PWWP2A: variants seen among roughly 807,000 people sequenced by gnomAD.
PWWP2A encodes the protein PWWP domain-containing protein 2A.
A neutral mutation model predicts 48.5 loss-of-function variants in PWWP2A; 18 were observed. The observed-to-expected ratio is 0.37, with a 90% CI of 0.26 to 0.55. PWWP2A has a LOEUF of 0.55. Ranked by LOEUF, PWWP2A falls within the 20% of genes least tolerant of loss-of-function variation. The probability of loss-of-function intolerance (pLI) is 0.81; values close to 1 mark genes in which losing one functional copy is unlikely to be tolerated. For missense variants in PWWP2A, 867 were observed against 976.4 expected (o/e 0.89, Z 1.49); for synonymous variants, 396 against 387.7 (o/e 1.02, Z -0.25).
chr5:160,119,016 G>A lies in PWWP2A; in HGVS notation c.373C>T (p.Pro125Ser), dbSNP rs890378987. The A allele has an allele frequency of 6.3e-7, 1 of 1,599,346 alleles. No individual in the cohort carries two copies. Among genetic ancestry groups the A allele is most frequent in the Non-Finnish European group, 8.5e-7 (1 of 1,175,984 alleles). ...GGCTCCTCGCGCTCCTCGGGAGCCG[G>A]GGGCTGCTCCGGCGGCGATGCAGGA... is the stretch of plus-strand genomic sequence containing the variant. Reference protein sequence around the residue: ...PSPASPPEQPPAPEEREEPPL... With the variant: ...PSPASPPEQPSAPEEREEPPL... Residue 125 changes from proline to serine, a missense_variant, in exon 1 of 2, where the codon CCG (proline) becomes TCG (serine). Coordinates refer to ENST00000307063, the MANE Select transcript of PWWP2A (RefSeq NM_001130864.2).
rs1189961362 is a variant in PWWP2A at position 160,077,451 on chromosome 5, AC to A, written c.*703del. ...TAAGAATGTAATTATGAAAATGTGC[AC>A]AAAATGTTAAATACTAGTGGCAAAT... On this transcript the variant is annotated 3_prime_UTR_variant, in exon 4 of 4. Transcript: ENST00000456329. The surrounding 1 kb of genome is among the most constrained non-coding windows in gnomAD (Gnocchi z 4.2). 2 of 152,260 alleles carry A rather than the reference AC, an allele frequency of 1.3e-5. No homozygotes were observed. Among genetic ancestry groups the A allele is most frequent in the Non-Finnish European group, 2.9e-5 (2 of 68,046 alleles). 9.4% of individuals were successfully genotyped at this position (152,260 alleles called of 1,614,324 possible). A position where few individuals can be genotyped will look rare whatever the true frequency, so the allele number is the denominator to read the frequency against.
At chr5:160,118,497 G>A (rs756311714) in intron 1 of PWWP2A, among the ~76,000 whole-genome samples, 2 of 150,622 alleles carry the variant, frequency 1.3e-5, no homozygotes, top group Admixed American at 1.3e-4. Flanking sequence ...CCCGCCCAGT[G>A]ACGGTGACTC....
At position 160,119,371 on chromosome 5, in the gene PWWP2A, T is replaced by C. The variant is rs1251731497; in HGVS notation, c.18A>G (p.Ala6=). 4 of 1,348,200 alleles carry C rather than the reference T, an allele frequency of 3.0e-6. No homozygotes were observed. Among genetic ancestry groups the C allele is most frequent in the Non-Finnish European group, 3.8e-6 (4 of 1,053,400 alleles). The allele number at this position is 1,348,200 out of a possible 1,614,324, so 83.5% of individuals were successfully genotyped here. The change falls in exon 1 of 2, where the codon GCA becomes GCG. Residue 6 remains alanine, a synonymous_variant. Coordinates refer to ENST00000307063, the MANE Select transcript of PWWP2A (RefSeq NM_001130864.2). MAAVA[A]EAAATAASPG... is the part of the protein sequence containing the mutation. ...GGGACGCTGCAGTCGCTGCCGCCTC[T>C]GCAGCCACGGCCGCCATTTTCTTCC...
intron 2 of PWWP2A, among the ~76,000 whole-genome samples, chr5:160,069,935 T>A (rs1241378074): frequency 6.6e-6 from 1 of 152,204 alleles, no homozygotes; most frequent in Non-Finnish European, 1.5e-5. Flanking sequence ...TTCCATCAAG[T>A]CTTGTGTTTT....
intron 1 of PWWP2A, among the ~76,000 whole-genome samples, chr5:160,114,209 G>A (rs1300252912): frequency 6.6e-6 from 1 of 152,198 alleles, no homozygotes; most frequent in Non-Finnish European, 1.5e-5. Flanking sequence ...AACACTTTGG[G>A]AGTGTAGAAA....
At chr5:160,090,896 G>A (rs1387219765), downstream of PWWP2A, 4 of 984,438 alleles carry the variant, frequency 4.1e-6, no homozygotes, top group African/African-American at 7.0e-5. Flanking sequence ...GCTAAAAATG[G>A]AAAATAAGAA....
downstream of PWWP2A, among the ~76,000 whole-genome samples, chr5:160,086,799 A>G (rs1754681005): frequency 2.0e-5 from 3 of 152,200 alleles, no homozygotes; most frequent in Non-Finnish European, 4.4e-5. Flanking sequence ...TAATTTGTCA[A>G]TTGTGAATAT....
At chr5:160,107,371 T>C (rs1757007381) in intron 1 of PWWP2A, among the ~76,000 whole-genome samples, 1 of 152,212 alleles carries the variant, frequency 6.6e-6, no homozygotes, top group South Asian at 2.1e-4. Flanking sequence ...GAATATAACT[T>C]AATCTCCAAT....
At position 160,092,926 on chromosome 5, in the gene PWWP2A, G is replaced by T. The variant is rs931943898; in HGVS notation, c.1724C>A (p.Ser575Tyr). Residue 575 changes from serine (S) to tyrosine (Y), a missense_variant, in exon 2 of 2, where the codon TCT becomes TAT. Around this residue, in one of 4 missense-constraint regions of PWWP2A, gnomAD observed 382 missense variants for 407.2 expected, o/e 0.94. Transcript: ENST00000307063. Reference protein sequence around the residue: ...SVYMTLNQKKSDSSSASVCSI... With the variant: ...SVYMTLNQKKYDSSSASVCSI... Reference sequence around the variant, plus strand: ...ACACACTGAAGCACTGGAAGAGTCAGATTTCTTTTGATTTAGGGTCATATA... The same window carrying T: ...ACACACTGAAGCACTGGAAGAGTCATATTTCTTTTGATTTAGGGTCATATA... 17 of 1,551,602 alleles carry T rather than the reference G, an allele frequency of 1.1e-5. No homozygotes were observed. The highest frequency in any genetic ancestry group is 2.0e-5 in the Admixed American group (1 of 50,982).
the PWWP2A span, among the ~76,000 whole-genome samples, chr5:160,051,760 C>T: frequency 1.3e-5 from 2 of 152,152 alleles, no homozygotes; most frequent in Admixed American, 1.3e-4. Context: ...GAACCTCCCA[C>T]GAGCAATCTG....
chr5:160,048,574 G>T, the PWWP2A span, among the ~76,000 whole-genome samples: 3 of 152,200 alleles, frequency 2.0e-5, no homozygotes, highest in African/African-American at 4.8e-5. Flanking sequence ...TAAAGGAAAA[G>T]ATATTATGCA....
chr5:160,112,126 C>CAAAAAAA (rs11480893), intron 1 of PWWP2A, among the ~76,000 whole-genome samples: 1 of 90,874 alleles, frequency 1.1e-5, no homozygotes, highest in African/African-American at 4.5e-5. Flanking sequence ...GACCCTTTCT[C>CAAAAAAA]AAAAAAAAAA....
At chr5:160,111,925 CG>C (rs1757615048) in intron 1 of PWWP2A, among the ~76,000 whole-genome samples, 1 of 151,590 alleles carries the variant, frequency 6.6e-6, no homozygotes, top group South Asian at 2.1e-4. Context: ...GAGGCCCAGG[CG>C]GATGAGCCTG....
intron 1 of PWWP2A, chr5:160,113,158 CAA>C (rs5872630): frequency 0.019 from 13,612 of 718,944 alleles, no homozygotes; most frequent in Non-Finnish European, 0.021. Flanking sequence ...GACTCTGTGT[CAA>C]AAAAAAAAAA....
At chr5:160,100,864 G>T (rs1269997236) in intron 1 of PWWP2A, among the ~76,000 whole-genome samples, 1 of 152,180 alleles carries the variant, frequency 6.6e-6, no homozygotes, top group African/African-American at 2.4e-5. Context: ...ATACAATCCA[G>T]CAATCCCACT....
Position 160,092,624 on chromosome 5 carries a change from T to C in PWWP2A, c.2026A>G (p.Ile676Val), listed in dbSNP as rs1277812238. The change falls in exon 2 of 2, where the codon ATA becomes GTA. Residue 676 changes from isoleucine to valine, a missense_variant. Around this residue, in one of 4 missense-constraint regions of PWWP2A, gnomAD observed 97 missense variants for 151.7 expected, o/e 0.64. Transcript: ENST00000307063. ...FPWWPARILT[I>V]TVSRKDNGLL... ...CCGTTATCTTTCCGGCTCACAGTTA[T>C]AGTAAGAATACGGGCTGGCCACCAA... is the stretch of plus-strand genomic sequence containing the variant. 14 of 1,551,576 alleles carry C rather than the reference T, an allele frequency of 9.0e-6. No homozygotes were observed. Among genetic ancestry groups the C allele is most frequent in the African/African-American group, 2.7e-5 (2 of 73,046 alleles).
At position 160,092,104 on chromosome 5, in the gene PWWP2A, A is replaced by G. The variant is rs1418056405; in HGVS notation, c.*278T>C. 10 of 1,126,962 alleles carry G rather than the reference A, an allele frequency of 8.9e-6. No individual in the cohort carries two copies. The highest frequency in any genetic ancestry group is 8.1e-5 in the African/African-American group (5 of 61,938). The allele number at this position is 1,126,962 out of a possible 1,614,324, so 69.8% of individuals were successfully genotyped here. ...AATTAACAGTCCCTACAAAAATTCA[A>G]TTTCAGTTGAGGCTATGGCTCCTAT... On this transcript the variant is annotated 3_prime_UTR_variant, in exon 2 of 2. Transcript: ENST00000307063.
chr5:160,112,239 T>C (rs1388298171), intron 1 of PWWP2A, among the ~76,000 whole-genome samples: 1 of 151,996 alleles, frequency 6.6e-6, no homozygotes, highest in Non-Finnish European at 1.5e-5. Context: ...CAGTTCTTTT[T>C]AGAAAGAGCC....
intron 1 of PWWP2A, among the ~76,000 whole-genome samples, chr5:160,114,818 G>A (rs1404652909): frequency 6.9e-6 from 1 of 144,054 alleles, no homozygotes; most frequent in African/African-American, 2.6e-5. Context: ...AACATGGTAA[G>A]ACCCCCATCT....
Sources: gnomAD v4.1 joint callset for allele counts (sites outside exome capture counted in the v4.1 genomes callset) on GRCh38, gnomAD v4.1.1 for gene constraint, gnomAD v4.1.1 regional missense constraint, Gnocchi (gnomAD v3.1) non-coding constraint, MANE v1.5 for transcripts, NCBI Gene and HGNC (gene_info 2026-07-23, HGNC 2026-07-21) for gene names.